The following PM20D2 variants were observed in gnomAD, a reference collection of about 807,000 sequenced individuals.
The protein encoded by PM20D2 is xaa-Arg dipeptidase.
Under a neutral mutation model 42.9 loss-of-function variants are expected in PM20D2, and 33 were observed. The ratio of observed to expected loss-of-function variants is 0.77; its 90% CI spans 0.58 to 1.03. PM20D2 has a LOEUF of 1.03. Among genes scored for constraint, PM20D2 ranks in the 50% least tolerant of loss-of-function variants. PM20D2 has a pLI of 0.00. For missense variants in PM20D2, 548 were observed against 557.0 expected, an observed-to-expected ratio of 0.98 and a Z score of 0.16; for synonymous variants, 250 against 228.2, an observed-to-expected ratio of 1.10 and a Z score of -0.86.
the PM20D2 span, among the ~76,000 whole-genome samples, chr6:89,128,656 T>G: frequency 6.6e-6 from 1 of 152,158 alleles, no homozygotes; most frequent in African/African-American, 2.4e-5. Context: ...CCCTCCCCTT[T>G]TGAAACCCTT....
At chr6:89,108,350 C>CA in the PM20D2 span, among the ~76,000 whole-genome samples, 4 of 152,168 alleles carry the variant, frequency 2.6e-5, no homozygotes, top group Non-Finnish European at 5.9e-5. Flanking sequence ...ATGATACAGA[C>CA]AGATTATGGG....
chr6:89,096,119 T>C, the PM20D2 span: 2 of 152,202 alleles, frequency 1.3e-5, no homozygotes, highest in Admixed American at 1.3e-4. Context: ...CAAAAGTCAT[T>C]TTCATCGAAG....
At chr6:89,112,115 C>A in the PM20D2 span, among the ~76,000 whole-genome samples, 1 of 151,658 alleles carries the variant, frequency 6.6e-6, no homozygotes, top group African/African-American at 2.4e-5. Context: ...TCAAGAGATT[C>A]TCATGACTCA....
upstream of PM20D2, among the ~76,000 whole-genome samples, chr6:89,141,874 G>A (rs1292313586): frequency 7.9e-5 from 12 of 152,244 alleles, no homozygotes; most frequent in East Asian, 2.3e-3. Flanking sequence ...GTGCAATCAT[G>A]CTTACTGTAG....
chr6:89,137,042 CTATAAAGTGTTA>C, the PM20D2 span, among the ~76,000 whole-genome samples: 2 of 151,250 alleles, frequency 1.3e-5, no homozygotes, highest in African/African-American at 4.9e-5. Flanking sequence ...AGGTGATTCT[CTATAAAGTGTTA>C]TAATTTCTCC....
chr6:89,160,990 A>G lies in PM20D2; in HGVS notation c.1049-793A>G, dbSNP rs531549495. Among the ~76,000 whole-genome samples the G allele has an allele frequency of 1.7e-4, 26 of 152,262 alleles. 1 individual carries two copies. Among genetic ancestry groups the G allele is most frequent in the African/African-American group, 6.3e-4 (26 of 41,550 alleles). On this transcript the variant is annotated intron_variant, in intron 5 of 6. Transcript: ENST00000275072. ...GTTGGAAAGGTGAATGAAGATTGAA[A>G]AAAAAAAGACGGCAAATAGAGTAGA...
chr6:89,158,510 C>G, intron 5 of PM20D2, 50 bp downstream of exon 5: 2 of 1,570,658 alleles, frequency 1.3e-6, no homozygotes, highest in Non-Finnish European at 1.7e-6. Flanking sequence ...AGAGAAATAC[C>G]ATCTTTGGTT....
chr6:89,146,605 T>G lies in PM20D2; in HGVS notation c.461T>G (p.Val154Gly). ...GGCCTCCCCAGGCCGCCTCCGCCCG[T>G]GAAGGTGAGGTGGGGCCCGGGTGCG... ...LEGLPRPPPP[V>G]KVVVLGTPAE... The change falls in exon 1 of 7, where the codon GTG (valine) becomes GGG (glycine). Residue 154 changes from valine to glycine, a missense_variant. Physicochemically the swap from Val to Gly is moderately radical, Grantham distance 109. Around this residue, in one of 3 missense-constraint regions of PM20D2, gnomAD observed 470 missense variants for 464.4 expected, o/e 1.01. Transcript: ENST00000275072. 2.1e-6 allele frequency: 3 copies of G among 1,439,512 alleles called. No individual in the cohort carries two copies. The highest frequency in any genetic ancestry group is 2.7e-6 in the Non-Finnish European group (3 of 1,102,842). 89.2% of individuals were successfully genotyped at this position (1,439,512 alleles called of 1,614,324 possible).
chr6:89,137,901 G>A, the PM20D2 span, among the ~76,000 whole-genome samples: 17 of 151,884 alleles, frequency 1.1e-4, 1 homozygote, highest in South Asian at 3.5e-3. Flanking sequence ...ATAAACCATT[G>A]GACATTCCAG....
the PM20D2 span, chr6:89,117,700 TGGGCCCGCG>T: frequency 1.0e-6 from 1 of 993,962 alleles, no homozygotes; most frequent in Non-Finnish European, 1.4e-6. Flanking sequence ...TGGCGCAGCC[TGGGCCCGCG>T]GGGAGGCTCC....
Position 89,164,775 on chromosome 6 carries a change from T to A in PM20D2, c.*2512T>A, listed in dbSNP as rs1250314366. 6.6e-6 allele frequency: 1 copy of A among 152,116 alleles called. No individual in the cohort carries two copies. The highest frequency in any genetic ancestry group is 1.5e-5 in the Non-Finnish European group (1 of 67,912). The allele number at this position is 152,116 out of a possible 1,614,324, so 9.4% of individuals were successfully genotyped here. On this transcript the variant is annotated 3_prime_UTR_variant, in exon 7 of 7. Coordinates refer to ENST00000275072, the MANE Select transcript of PM20D2 (RefSeq NM_001010853.3). Reference sequence around the variant, plus strand: ...AAGAGTTTAAGATATTATGTAAAATTATGTGTATTTTCTTCTCTTTTACAT... The same window carrying A: ...AAGAGTTTAAGATATTATGTAAAATAATGTGTATTTTCTTCTCTTTTACAT...
chr6:89,144,217 T>C (rs183047014), upstream of PM20D2, among the ~76,000 whole-genome samples: 1 of 130,768 alleles, frequency 7.6e-6, no homozygotes, highest in Admixed American at 8.8e-5. Context: ...TGAATCTGTC[T>C]TTCCTCTACC....
chr6:89,127,142 T>C, the PM20D2 span, among the ~76,000 whole-genome samples: 192 of 152,312 alleles, frequency 1.3e-3, 1 homozygote, highest in African/African-American at 4.3e-3. Context: ...TTGTTTTGTT[T>C]TGTTTTTCTA....
the PM20D2 span, among the ~76,000 whole-genome samples, chr6:89,114,747 A>C: frequency 6.6e-6 from 1 of 152,228 alleles, no homozygotes; most frequent in Non-Finnish European, 1.5e-5. Flanking sequence ...CATGACGTTT[A>C]AACATTTTTA....
At chr6:89,150,602 C>T (rs1402817828) in intron 2 of PM20D2, among the ~76,000 whole-genome samples, 1 of 138,022 alleles carries the variant, frequency 7.2e-6, no homozygotes, top group South Asian at 2.3e-4. Flanking sequence ...TGCAGTGGCA[C>T]GATCTTGGCT....
intron 3 of PM20D2, 94 bp downstream of exon 3, chr6:89,153,279 T>C (rs1256156681): frequency 9.8e-7 from 1 of 1,015,484 alleles, no homozygotes; most frequent in Non-Finnish European, 1.3e-6. Context: ...AATTTGGAAA[T>C]ATTTTTGTAC....
At chr6:89,130,072 C>CT in the PM20D2 span, among the ~76,000 whole-genome samples, 26,095 of 149,130 alleles carry the variant, frequency 0.17, 2,919 homozygotes, top group East Asian at 0.61. Flanking sequence ...GTATACAACA[C>CT]TTTTTTTGTT....
intron 2 of PM20D2, 96 bp downstream of exon 2, chr6:89,149,509 T>C: frequency 7.2e-7 from 1 of 1,395,256 alleles, no homozygotes; most frequent in Non-Finnish European, 9.7e-7. Flanking sequence ...CATTTGTATA[T>C]TTAAGAAGTA....
the PM20D2 span, among the ~76,000 whole-genome samples, chr6:89,113,858 GTT>G: frequency 6.6e-6 from 1 of 151,930 alleles, no homozygotes; most frequent in Non-Finnish European, 1.5e-5. Context: ...TCCCTGGCTG[GTT>G]TCAAACTCCT....
Sources: allele counts gnomAD v4.1 joint callset (sites outside exome capture counted in the v4.1 genomes callset), GRCh38; gene constraint gnomAD v4.1.1; regional missense constraint gnomAD v4.1.1; transcripts MANE v1.5; gene names NCBI Gene and HGNC (gene_info 2026-07-23, HGNC 2026-07-21).